SERPINH1: variants seen among roughly 807,000 people sequenced by gnomAD.
SERPINH1 encodes serpin H1.
A neutral mutation model predicts 32.3 loss-of-function variants in SERPINH1; 22 were observed. The ratio of observed to expected loss-of-function variants is 0.68; its 90% CI spans 0.49 to 0.97. The LOEUF is 0.97. Among genes scored for constraint, SERPINH1 ranks in the 50% least tolerant of loss-of-function variants. SERPINH1 has a pLI of 0.00. For synonymous variants in SERPINH1, 251 were observed against 245.9 expected (o/e 1.02, Z -0.19); for missense variants, 543 against 576.4 (o/e 0.94, Z 0.59).
At chr11:75,571,568 G>C (rs2135557336) in intron 4 of SERPINH1, among the ~76,000 whole-genome samples, 1 of 152,344 alleles carries the variant, frequency 6.6e-6, no homozygotes, top group South Asian at 2.1e-4. Flanking sequence ...TTCCTCATCT[G>C]TGAAGTGGCA....
At chr11:75,564,182 C>A (rs1013722213) in intron 1 of SERPINH1, among the ~76,000 whole-genome samples, 2 of 152,246 alleles carry the variant, frequency 1.3e-5, no homozygotes, top group African/African-American at 4.8e-5. Flanking sequence ...GCTGGAAGCC[C>A]CCCTCTGCCG....
rs2069523442 is a variant in SERPINH1, at chr11:75,572,044, G to A, written c.1218G>A (p.Leu406=). ...QSGSLLFIGR[L]VRPKGDKMRD... ...GCTCCCTGCTATTCATTGGGCGCCT[G>A]GTCCGGCCTAAGGGTGACAAGATGC... Residue 406 remains leucine (L), a synonymous_variant, in exon 5 of 5, where the codon CTG becomes CTA. Transcript: ENST00000358171. 6.2e-7 allele frequency: 1 copy of A among 1,614,188 alleles called. No individual in the cohort carries two copies. Among genetic ancestry groups the A allele is most frequent in the East Asian group, 2.2e-5 (1 of 44,878 alleles).
intron 1 of SERPINH1, among the ~76,000 whole-genome samples, 187 bp from the exon 2 acceptor site, chr11:75,566,129 T>C (rs953797135): frequency 6.6e-6 from 1 of 152,166 alleles, no homozygotes; most frequent in Non-Finnish European, 1.5e-5. Context: ...TGGGAATGCT[T>C]CTTTGAGTAG....
chr11:75,568,515 C>T (rs999301220), intron 2 of SERPINH1: 11 of 623,068 alleles, frequency 1.8e-5, no homozygotes, highest in South Asian at 7.1e-5. Flanking sequence ...TGTAGGGAAC[C>T]GCATCCTCAG....
rs2135557901 is a variant in SERPINH1, at chr11:75,571,960, C to A, written c.1134C>A (p.Ser378Arg). 3 of 1,614,204 alleles carry A rather than the reference C, an allele frequency of 1.9e-6. No homozygotes were observed. The highest frequency in any genetic ancestry group is 4.5e-5 in the East Asian group (2 of 44,886). The change falls in exon 5 of 5, where the codon AGC becomes AGA. Residue 378 changes from serine to arginine, a missense_variant. Ser to Arg is a moderately radical substitution (Grantham distance 110). Coordinates refer to ENST00000358171, the MANE Select transcript of SERPINH1 (RefSeq NM_001235.5). The stretch of plus-strand genomic sequence containing the variant: ...TCTACGGGCGCGAGGAGCTGCGCAG[C>A]CCCAAGCTGTTCTACGCCGACCACC... ...QDIYGREELR[S>R]PKLFYADHPF...
rs768929258 is a variant in SERPINH1, at chr11:75,566,476, C to T, written c.127C>T (p.Leu43Phe). The T allele has an allele frequency of 6.2e-7, 1 of 1,612,522 alleles. No individual in the cohort carries two copies. The highest frequency in any genetic ancestry group is 1.7e-5 in the Admixed American group (1 of 59,966). ...AEKLSPKAATLAERSAGLAFS... is the reference protein window; with the variant it reads ...AEKLSPKAATFAERSAGLAFS... ...GAAGTTGAGCCCCAAGGCGGCCACGCTTGCCGAGCGCAGCGCCGGCCTGGC... is the reference window on the plus strand; with the variant it reads ...GAAGTTGAGCCCCAAGGCGGCCACGTTTGCCGAGCGCAGCGCCGGCCTGGC... The change falls in exon 2 of 5, where the codon CTT becomes TTT. Residue 43 changes from leucine (L) to phenylalanine (F), a missense_variant. This residue lies in a region of SERPINH1 where 109 missense variants were observed against 102.4 expected (regional missense o/e 1.06). Coordinates refer to ENST00000358171, the MANE Select transcript of SERPINH1 (RefSeq NM_001235.5).
Position 75,566,768 on chromosome 11 carries a change from T to C in SERPINH1, c.419T>C (p.Val140Ala), listed in dbSNP as rs1942090607. ...LGSRLYGPSS[V>A]SFADDFVRSS... ...AGCCGACTGTACGGACCCAGCTCAG[T>C]GAGCTTCGCTGATGACTTCGTGCGC... Residue 140 changes from valine (V) to alanine (A), a missense_variant, in exon 2 of 5, where the codon GTG becomes GCG. Physicochemically the swap from Val to Ala is moderately conservative, Grantham distance 64 (BLOSUM62 0). Transcript: ENST00000358171. 1 of 1,613,100 alleles carries C rather than the reference T, an allele frequency of 6.2e-7. No individual in the cohort carries two copies. The highest frequency in any genetic ancestry group is 8.5e-7 in the Non-Finnish European group (1 of 1,179,960).
chr11:75,567,134 A>G (rs541823213), intron 2 of SERPINH1, among the ~76,000 whole-genome samples, 163 bp downstream of exon 2: 16 of 152,328 alleles, frequency 1.1e-4, no homozygotes, highest in Admixed American at 8.5e-4. Context: ...ACTGGAAACT[A>G]GATTCAGAGA....
chr11:75,566,225 AG>A, intron 1 of SERPINH1, 90 bp from the exon 2 acceptor site: 3 of 1,190,370 alleles, frequency 2.5e-6, no homozygotes, highest in Non-Finnish European at 3.6e-6. Flanking sequence ...CCCCATCTCC[AG>A]GGGACTTGTG....
At chr11:75,570,567 G>T (rs1443396981) in intron 4 of SERPINH1, among the ~76,000 whole-genome samples, 3 of 152,196 alleles carry the variant, frequency 2.0e-5, no homozygotes, top group African/African-American at 7.2e-5. Context: ...GGTCATCCGG[G>T]TGGGAAGAGC....
Position 75,566,412 on chromosome 11 carries a change from G to A in SERPINH1, c.63G>A (p.Val21=), listed in dbSNP as rs570027359. ...TGGAGGCGGCCCTGGCCGCCGAGGTGAAGAAACCTGCAGCCGCAGCAGCTC... is the reference window on the plus strand; with the variant it reads ...TGGAGGCGGCCCTGGCCGCCGAGGTAAAGAAACCTGCAGCCGCAGCAGCTC... The part of the protein sequence containing the change: ...CLLEAALAAE[V]KKPAAAAAPG... The change falls in exon 2 of 5, where the codon GTG becomes GTA. Residue 21 remains valine (V), a synonymous_variant. Coordinates refer to ENST00000358171, the MANE Select transcript of SERPINH1 (RefSeq NM_001235.5). The A allele has an allele frequency of 1.2e-5, 19 of 1,611,442 alleles. No individual in the cohort carries two copies. In the South Asian group the frequency reaches 1.5e-4, roughly 13 times the overall value.
At position 75,566,259 on chromosome 11, in the gene SERPINH1, T is replaced by C. The variant is rs548265043; in HGVS notation, c.-34-57T>C. The C allele has an allele frequency of 5.6e-5, 82 of 1,456,448 alleles. No homozygotes were observed. In the South Asian group the frequency reaches 8.8e-4, roughly 16 times the overall value. 90.2% of individuals were successfully genotyped at this position (1,456,448 alleles called of 1,614,324 possible). ...GTGGCAGCCAGAGAGCTGAGGGTGGTTGTTGGGGAGGAAGGCCTTGGGCTT... is the reference window on the plus strand; with the variant it reads ...GTGGCAGCCAGAGAGCTGAGGGTGGCTGTTGGGGAGGAAGGCCTTGGGCTT... On this transcript the variant is annotated intron_variant, in intron 1 of 4. Transcript: ENST00000358171.
intron 4 of SERPINH1, among the ~76,000 whole-genome samples, chr11:75,570,090 C>T (rs1234789681): frequency 6.6e-6 from 1 of 151,938 alleles, no homozygotes; most frequent in Non-Finnish European, 1.5e-5. Context: ...CTAAGGTTCC[C>T]CAGGCTCATA....
Position 75,572,412 on chromosome 11 carries a change from C to T in SERPINH1, c.*329C>T. On this transcript the variant is annotated 3_prime_UTR_variant, in exon 5 of 5. Transcript: ENST00000358171. Reference sequence around the variant, plus strand: ...TATTTATAGCCAGGTACCTTCTCACCTGTGAGACCAAATTGAGCTAGGGGG... The same window carrying T: ...TATTTATAGCCAGGTACCTTCTCACTTGTGAGACCAAATTGAGCTAGGGGG... The T allele has an allele frequency of 2.5e-6, 1 of 397,200 alleles. No individual in the cohort carries two copies. The highest frequency in any genetic ancestry group is 4.8e-6 in the Non-Finnish European group (1 of 208,682). 24.6% of individuals were successfully genotyped at this position (397,200 alleles called of 1,614,324 possible). A position where few individuals can be genotyped will look rare whatever the true frequency, so the allele number is the denominator to read the frequency against.
intron 4 of SERPINH1, 26 bp downstream of exon 4, chr11:75,569,197 C>A: frequency 6.4e-7 from 1 of 1,554,212 alleles, no homozygotes; most frequent in Non-Finnish European, 8.8e-7. Context: ...GCCTAGGGGC[C>A]TGCAGGCCTT....
At chr11:75,566,294 C>T in intron 1 of SERPINH1, 22 bp from the exon 2 acceptor site, 1 of 1,575,846 alleles carries the variant, frequency 6.3e-7, no homozygotes, top group Non-Finnish European at 8.6e-7. Context: ...TCAAGACCAC[C>T]CTGTCTGTGC....
At chr11:75,570,054 G>A (rs1044497364) in intron 4 of SERPINH1, among the ~76,000 whole-genome samples, 1 of 152,028 alleles carries the variant, frequency 6.6e-6, no homozygotes, top group Non-Finnish European at 1.5e-5. Context: ...GTAGTGGGCA[G>A]AGGCTCAGAG....
rs746193011 is a variant in SERPINH1, at chr11:75,568,893, A to C, written c.722-46A>C. On this transcript the variant is annotated intron_variant, in intron 3 of 4. Transcript: ENST00000358171. ...GGTCCAAGGGTAGTTGGTCTGACCC[A>C]CCCCTGCACACAGGGTGCCCAGTGT... 9 of 1,606,100 alleles carry C rather than the reference A, an allele frequency of 5.6e-6. No individual in the cohort carries two copies. In the Admixed American group the frequency reaches 1.5e-4, roughly 27 times the overall value.
At chr11:75,563,952 G>A (rs1165951796) in intron 1 of SERPINH1, among the ~76,000 whole-genome samples, 1 of 152,212 alleles carries the variant, frequency 6.6e-6, no homozygotes, top group African/African-American at 2.4e-5. Flanking sequence ...ATTTCTCTGT[G>A]GCAAGATGGG....
Sources: gnomAD v4.1 joint callset for allele counts (sites outside exome capture counted in the v4.1 genomes callset) on GRCh38, gnomAD v4.1.1 for gene constraint, gnomAD v4.1.1 regional missense constraint, MANE v1.5 for transcripts, NCBI Gene and HGNC (gene_info 2026-07-23, HGNC 2026-07-21) for gene names.